The following FAM135B variants were observed in gnomAD, a reference collection of about 807,000 sequenced individuals.
The protein encoded by FAM135B is family with sequence similarity 135 member B.
In FAM135B, 43 loss-of-function variants were observed where a neutral mutation model predicts 127.7. The observed-to-expected ratio is 0.34, with a 90% CI of 0.26 to 0.43. FAM135B has a LOEUF of 0.43. FAM135B is among the 20% of genes least tolerant of loss of function. FAM135B has a pLI of 1.00. For synonymous variants in FAM135B, 670 were observed against 665.1 expected, an observed-to-expected ratio of 1.01 and a Z score of -0.11; for missense variants, 1,558 against 1,725.6, an observed-to-expected ratio of 0.90 and a Z score of 1.72.
chr8:138,321,268 G>C (rs1181387827), intron 2 of FAM135B, among the ~76,000 whole-genome samples: 5 of 152,106 alleles, frequency 3.3e-5, no homozygotes, highest in Admixed American at 3.3e-4. Context: ...TGTCTTCATT[G>C]CTATTCCCTA....
chr8:138,209,992 A>T (rs531087944), intron 7 of FAM135B, among the ~76,000 whole-genome samples: 28 of 152,348 alleles, frequency 1.8e-4, no homozygotes, highest in African/African-American at 6.7e-4. Context: ...TAATGAAAAT[A>T]GCAAGAGTAA....
intron 1 of FAM135B, among the ~76,000 whole-genome samples, chr8:138,481,505 A>G (rs1205124190): frequency 6.6e-6 from 1 of 152,206 alleles, no homozygotes; most frequent in Non-Finnish European, 1.5e-5. Context: ...ACGCCAGTGG[A>G]GCAGGCTTTT....
At chr8:138,269,647 G>A (rs530970503) in intron 3 of FAM135B, among the ~76,000 whole-genome samples, 4 of 152,298 alleles carry the variant, frequency 2.6e-5, no homozygotes, top group African/African-American at 9.6e-5. Flanking sequence ...TTTAGAAAAT[G>A]CTCCTGTAGT....
intron 1 of FAM135B, among the ~76,000 whole-genome samples, chr8:138,415,290 T>C (rs1471698220): frequency 6.6e-6 from 1 of 152,204 alleles, no homozygotes; most frequent in South Asian, 2.1e-4. Context: ...TGGTGGGCTA[T>C]GTTACCATGA....
At chr8:138,283,421 T>TAA (rs35095288) in intron 3 of FAM135B, among the ~76,000 whole-genome samples, 7,186 of 148,552 alleles carry the variant, frequency 0.048, 235 homozygotes, top group South Asian at 0.079. Context: ...ATGGATACAG[T>TAA]AAAAAAAAAA....
intron 1 of FAM135B, chr8:138,441,469 C>A (rs1835761752): frequency 6.6e-6 from 1 of 152,074 alleles, no homozygotes; most frequent in African/African-American, 2.4e-5. Flanking sequence ...TGGATTGAGA[C>A]CAAACTGGAA....
intron 7 of FAM135B, among the ~76,000 whole-genome samples, chr8:138,224,219 G>A (rs895546084): frequency 6.6e-6 from 1 of 152,156 alleles, no homozygotes; most frequent in East Asian, 1.9e-4. Context: ...GCTAAAGCTA[G>A]GGAAATACCA....
chr8:138,401,735 C>T (rs1016950723), intron 1 of FAM135B, among the ~76,000 whole-genome samples: 4 of 152,206 alleles, frequency 2.6e-5, no homozygotes, highest in Non-Finnish European at 5.9e-5. Context: ...ATTGCATTTC[C>T]TTTCTTAAGA....
At chr8:138,161,571 A>T (rs1819394010) in intron 12 of FAM135B, among the ~76,000 whole-genome samples, 1 of 152,256 alleles carries the variant, frequency 6.6e-6, no homozygotes, top group Non-Finnish European at 1.5e-5. Flanking sequence ...AAGTTAAATC[A>T]ATGCAATCAC....
At chr8:138,183,129 C>T (rs765173548) in intron 9 of FAM135B, among the ~76,000 whole-genome samples, 17 of 150,504 alleles carry the variant, frequency 1.1e-4, no homozygotes, top group Non-Finnish European at 1.0e-4. Flanking sequence ...GGTGGGGGGG[C>T]GGTCTAAGAA....
At chr8:138,157,634 A>G (rs201194152) in intron 12 of FAM135B, among the ~76,000 whole-genome samples, 2 of 152,172 alleles carry the variant, frequency 1.3e-5, no homozygotes, top group African/African-American at 4.8e-5. Context: ...AAAATCACAA[A>G]CATTCCTACA....
chr8:138,146,419 G>A lies in FAM135B; in HGVS notation c.3449-369C>T, dbSNP rs150825973. Among the ~76,000 whole-genome samples the A allele has an allele frequency of 1.1e-4, 17 of 152,194 alleles. No homozygotes were observed. In the East Asian group the frequency reaches 3.3e-3, roughly 29 times the overall value. On this transcript the variant is annotated intron_variant, in intron 14 of 19. Transcript: ENST00000395297. ...TCGAATGGCTGATGGGGCACAATGC[G>A]ACTCATACGAGCCCCATCTTCAGTT...
rs1257379492 is a variant in FAM135B at position 138,241,229 on chromosome 8, G to A, written c.669+1713C>T. Among the ~76,000 whole-genome samples, 2 of 152,288 alleles carry A rather than the reference G, an allele frequency of 1.3e-5. No homozygotes were observed. The highest frequency in any genetic ancestry group is 1.9e-4 in the East Asian group (1 of 5,166). Reference sequence around the variant, plus strand: ...CTACAGGGCTCACTGCTTTCCACTCGCTTTCTTACTCATTCACTTCCTATG... The same window carrying A: ...CTACAGGGCTCACTGCTTTCCACTCACTTTCTTACTCATTCACTTCCTATG... On this transcript the variant is annotated intron_variant, in intron 7 of 19. Coordinates refer to ENST00000395297, the MANE Select transcript of FAM135B (RefSeq NM_015912.4). This position sits in a 1 kb window ranked among gnomAD's most constrained non-coding sequence, Gnocchi z 4.8.
chr8:138,298,782 T>G (rs951047801), intron 3 of FAM135B, among the ~76,000 whole-genome samples: 3 of 152,094 alleles, frequency 2.0e-5, no homozygotes, highest in Non-Finnish European at 4.4e-5. Context: ...TTTAAAAAAC[T>G]ATTCCCAAGG....
At chr8:138,236,500 T>G (rs1057251796) in intron 7 of FAM135B, among the ~76,000 whole-genome samples, 2 of 151,946 alleles carry the variant, frequency 1.3e-5, no homozygotes, top group African/African-American at 4.8e-5. Context: ...CCTTCTTTGG[T>G]TAAACATTCA....
chr8:138,378,054 T>C (rs1257730452), intron 1 of FAM135B, among the ~76,000 whole-genome samples: 2 of 152,236 alleles, frequency 1.3e-5, no homozygotes, highest in Non-Finnish European at 2.9e-5. Flanking sequence ...ATCTTGGGTC[T>C]CACTTCTGTG....
chr8:138,487,652 A>C (rs1266445864), intron 1 of FAM135B, among the ~76,000 whole-genome samples: 1 of 91,060 alleles, frequency 1.1e-5, no homozygotes, highest in African/African-American at 4.3e-5. Flanking sequence ...GGGGCGGGGC[A>C]GGGGCTGGGC....
intron 9 of FAM135B, 117 bp downstream of exon 9, chr8:138,195,141 G>C (rs904630637): frequency 1.1e-6 from 1 of 870,024 alleles, no homozygotes; most frequent in South Asian, 1.5e-5. Flanking sequence ...TTGGTATCTA[G>C]AGTGAAGTTA....
chr8:138,485,783 G>A (rs1221023145), intron 1 of FAM135B, among the ~76,000 whole-genome samples: 2 of 152,054 alleles, frequency 1.3e-5, no homozygotes, highest in Non-Finnish European at 2.9e-5. Context: ...GAGATCACTG[G>A]GCCAGAGGAA....
Sources: gnomAD v4.1 joint callset for allele counts (sites outside exome capture counted in the v4.1 genomes callset) on GRCh38, gnomAD v4.1.1 for gene constraint, Gnocchi (gnomAD v3.1) non-coding constraint, MANE v1.5 for transcripts, NCBI Gene and HGNC (gene_info 2026-07-23, HGNC 2026-07-21) for gene names.